The following SRRM4 variants were observed in gnomAD, a reference collection of about 807,000 sequenced individuals.
SRRM4 encodes the protein serine/arginine repetitive matrix 4, also known as serine/arginine repetitive matrix protein 4.
SRRM4 carries 33 observed loss-of-function variants against 68.9 expected under a neutral mutation model. That is an observed-to-expected ratio of 0.48 (90% CI 0.36 to 0.64). The LOEUF (loss-of-function observed/expected upper bound fraction) is 0.64. Among genes scored for constraint, SRRM4 ranks in the 30% least tolerant of loss-of-function variants. The pLI, the probability that SRRM4 is intolerant of heterozygous loss-of-function variation, is 0.00. For missense variants in SRRM4, 817 were observed against 827.1 expected (o/e 0.99, Z 0.15); for synonymous variants, 318 against 318.8 (o/e 1.00, Z 0.03).
chr12:119,093,238 T>C (rs1223279940), intron 1 of SRRM4, among the ~76,000 whole-genome samples: 1 of 152,252 alleles, frequency 6.6e-6, no homozygotes, highest in Non-Finnish European at 1.5e-5. Context: ...CAATGTGAGC[T>C]CCACCAAGCA....
intron 1 of SRRM4, among the ~76,000 whole-genome samples, chr12:119,098,363 G>A (rs779297454): frequency 2.6e-5 from 4 of 152,220 alleles, no homozygotes; most frequent in Non-Finnish European, 5.9e-5. Context: ...CATTGGCTGA[G>A]TTACTGACCC....
chr12:118,988,127 T>TG (rs570710709), intron 1 of SRRM4, among the ~76,000 whole-genome samples: 1 of 149,474 alleles, frequency 6.7e-6, no homozygotes, highest in Non-Finnish European at 1.5e-5. Context: ...CAGAGGAATG[T>TG]AAAAAAAAAA....
At chr12:119,096,135 C>T (rs1954042909) in intron 1 of SRRM4, among the ~76,000 whole-genome samples, 1 of 151,210 alleles carries the variant, frequency 6.6e-6, no homozygotes, top group South Asian at 2.1e-4. Context: ...ATTCTCCTGC[C>T]TCAGCCTCCT....
Position 119,045,667 on chromosome 12 carries a change from C to T in SRRM4, c.132-56569C>T, listed in dbSNP as rs78117316. On this transcript the variant is annotated intron_variant, in intron 1 of 12. Coordinates refer to ENST00000267260, the MANE Select transcript of SRRM4 (RefSeq NM_194286.4). ...AGCACCGTGTGACTTTTTATGGAAC[C>T]GTAAGATGCATGGCACAGCTAATGA... 8.5e-3 allele frequency among the ~76,000 whole-genome samples: 1,291 copies of T among 152,072 alleles called. 23 individuals carry two copies. Among genetic ancestry groups the T allele is most frequent in the African/African-American group, 0.02 (844 of 41,466 alleles).
chr12:119,060,584 TAG>T (rs1953804964), intron 1 of SRRM4, among the ~76,000 whole-genome samples: 2 of 151,796 alleles, frequency 1.3e-5, no homozygotes, highest in African/African-American at 4.8e-5. Flanking sequence ...TAGGAATTAG[TAG>T]AGTTTGTGTA....
At position 119,161,279 on chromosome 12, in the gene SRRM4, A is replaced by T. The variant is rs1387594152; in HGVS notation, c.*4481A>T. On this transcript the variant is annotated 3_prime_UTR_variant, in exon 13 of 13. Coordinates refer to ENST00000267260, the MANE Select transcript of SRRM4 (RefSeq NM_194286.4). ...TTGTCTCAGTAAAACGAAGTCAAAA[A>T]ACAGGATTCCTCCAAACATGCCTCC... The T allele has an allele frequency of 1.3e-5, 2 of 152,202 alleles. No individual in the cohort carries two copies. The highest frequency in any genetic ancestry group is 6.5e-5 in the Admixed American group (1 of 15,276). The allele number at this position is 152,202 out of a possible 1,614,324, so 9.4% of individuals were successfully genotyped here.
chr12:119,003,020 A>T (rs4767757), intron 1 of SRRM4, among the ~76,000 whole-genome samples: 45,897 of 151,658 alleles, frequency 0.3, 7,268 homozygotes, highest in Admixed American at 0.32. Flanking sequence ...CCTGGAGCTC[A>T]GAGGGGTGAC....
intron 9 of SRRM4, among the ~76,000 whole-genome samples, chr12:119,146,764 G>A (rs1285373326): frequency 2.6e-5 from 4 of 151,790 alleles, no homozygotes; most frequent in Non-Finnish European, 4.4e-5. Context: ...GTGAAACCCC[G>A]TCTCTACTAA....
intron 1 of SRRM4, among the ~76,000 whole-genome samples, chr12:119,058,259 G>A (rs952389508): frequency 6.6e-6 from 1 of 152,096 alleles, no homozygotes; most frequent in Non-Finnish European, 1.5e-5. Context: ...ATAATACTAA[G>A]TATTAATGAA....
chr12:119,079,093 G>T (rs1171309770), intron 1 of SRRM4, among the ~76,000 whole-genome samples: 1 of 152,200 alleles, frequency 6.6e-6, no homozygotes, highest in African/African-American at 2.4e-5. Flanking sequence ...TGTGATGCAG[G>T]TGTGAGTGAA....
At chr12:119,103,711 TA>T (rs545672316) in intron 2 of SRRM4, among the ~76,000 whole-genome samples, 2 of 152,318 alleles carry the variant, frequency 1.3e-5, no homozygotes, top group African/African-American at 4.8e-5. Flanking sequence ...TCCCTACTTT[TA>T]AAACATTGGG....
intron 1 of SRRM4, among the ~76,000 whole-genome samples, chr12:119,043,809 A>ACACACACACACACACACAC (rs1555215467): frequency 1.7e-4 from 10 of 57,250 alleles, no homozygotes; most frequent in Non-Finnish European, 4.6e-4. Flanking sequence ...CACACACACA[A>ACACACACACACACACACAC]GTCTTGGGCA....
At chr12:119,127,786 G>A (rs77737834) in intron 7 of SRRM4, among the ~76,000 whole-genome samples, 1,797 of 151,912 alleles carry the variant, frequency 0.012, 22 homozygotes, top group Middle Eastern at 0.024. Context: ...AAGGTAGAAG[G>A]GGGAGAAGGA....
intron 1 of SRRM4, among the ~76,000 whole-genome samples, chr12:119,055,453 A>G (rs1289500894): frequency 6.6e-6 from 1 of 152,116 alleles, no homozygotes; most frequent in Non-Finnish European, 1.5e-5. Context: ...TTTTTTTCCA[A>G]GTGGCAAGTA....
chr12:118,991,876 T>C (rs956346061), intron 1 of SRRM4: 9 of 151,906 alleles, frequency 5.9e-5, no homozygotes, highest in African/African-American at 2.2e-4. Flanking sequence ...AAGCACACTG[T>C]ACAGATGAGA....
In SRRM4 at chr12:119,154,655, GGGTGGAGCTGGGGCCGGGGA is replaced by G. The variant is rs1379506674; in HGVS notation, c.1532+295_1532+314del. Among the ~76,000 whole-genome samples, 107 of 152,224 alleles carry G rather than the reference GGGTGGAGCTGGGGCCGGGGA, an allele frequency of 7.0e-4. No homozygotes were observed. The highest frequency in any genetic ancestry group is 2.2e-3 in the African/African-American group (91 of 41,536). On this transcript the variant is annotated intron_variant, in intron 12 of 12. Transcript: ENST00000267260. The surrounding 1 kb of genome is among the most constrained non-coding windows in gnomAD (Gnocchi z 4.7). ...GCATGGGGGAGTGGCCAAAGCCTGAGGGTGGAGCTGGGGCCGGGGAGGTGGAGCTGGGGCCGGGGAGGCGG... is the reference window on the plus strand; with the variant it reads ...GCATGGGGGAGTGGCCAAAGCCTGAGGGTGGAGCTGGGGCCGGGGAGGCGG...
intron 1 of SRRM4, among the ~76,000 whole-genome samples, chr12:118,990,824 T>C (rs1163767693): frequency 2.0e-5 from 3 of 152,094 alleles, no homozygotes; most frequent in African/African-American, 4.8e-5. Flanking sequence ...GTTTTTTTGG[T>C]TTGTTTTTGT....
Position 119,082,485 on chromosome 12 carries a change from C to T in SRRM4, c.132-19751C>T, listed in dbSNP as rs1194285810. Among the ~76,000 whole-genome samples, 3 of 152,194 alleles carry T rather than the reference C, an allele frequency of 2.0e-5. No homozygotes were observed. The East Asian group carries it at 5.8e-4, about 29-fold the overall frequency. On this transcript the variant is annotated intron_variant, in intron 1 of 12. Transcript: ENST00000267260. ...AATGTGCTCGTGATTTCCCCCCCTT[C>T]TTTTAAATTGCAACAAAAGGCAAAA...
rs184800324 is a variant in SRRM4 at position 119,151,828 on chromosome 12, A to C, written c.1280+608A>C. Among the ~76,000 whole-genome samples, 195 of 152,338 alleles carry C rather than the reference A, an allele frequency of 1.3e-3. 1 individual carries two copies. Among genetic ancestry groups the C allele is most frequent in the African/African-American group, 4.6e-3 (190 of 41,572 alleles). On this transcript the variant is annotated intron_variant, in intron 10 of 12. Transcript: ENST00000267260. The stretch of plus-strand genomic sequence containing the variant: ...TGATGGCAGAATTCCAAGAGAGAGC[A>C]CAGTATTGTGCAAGGCTTCTAGGCT...
Sources: allele counts gnomAD v4.1 joint callset (sites outside exome capture counted in the v4.1 genomes callset), GRCh38; gene constraint gnomAD v4.1.1; non-coding constraint Gnocchi (gnomAD v3.1); transcripts MANE v1.5; gene names NCBI Gene and HGNC (gene_info 2026-07-23, HGNC 2026-07-21).